Variants in KIAA1217 observed in about 807,000 individuals in gnomAD.
KIAA1217 encodes sickle tail protein homolog.
A neutral mutation model predicts 163.9 loss-of-function variants in KIAA1217; 88 were observed. The observed-to-expected ratio is 0.54, with a 90% confidence interval of 0.45 to 0.64. The LOEUF is 0.64. Among genes scored for constraint, KIAA1217 ranks in the 30% least tolerant of loss-of-function variants. KIAA1217 has a pLI of 0.00. For missense variants in KIAA1217, 2,372 were observed against 2,475.0 expected (o/e 0.96, Z 0.88); for synonymous variants, 903 against 923.1 (o/e 0.98, Z 0.39).
At chr10:23,732,553 C>G (rs944149053) in intron 1 of KIAA1217, among the ~76,000 whole-genome samples, 2 of 152,078 alleles carry the variant, frequency 1.3e-5, no homozygotes, top group Non-Finnish European at 2.9e-5. Flanking sequence ...CTTAGTCTGC[C>G]TACAGGCTTA....
At chr10:24,451,281 C>G (rs2061354093) in intron 5 of KIAA1217, among the ~76,000 whole-genome samples, 1 of 152,192 alleles carries the variant, frequency 6.6e-6, no homozygotes, top group South Asian at 2.1e-4. Context: ...TGGAGACTGG[C>G]TAACTGTGCC....
At chr10:24,057,146 C>A (rs1458281760) in intron 2 of KIAA1217, among the ~76,000 whole-genome samples, 1 of 152,040 alleles carries the variant, frequency 6.6e-6, no homozygotes, top group Non-Finnish European at 1.5e-5. Flanking sequence ...ACTCAGGAGG[C>A]TGAGGTGAGA....
intron 1 of KIAA1217, among the ~76,000 whole-genome samples, chr10:23,780,157 A>G (rs1289594987): frequency 3.3e-5 from 5 of 152,306 alleles, no homozygotes; most frequent in Admixed American, 3.3e-4. Flanking sequence ...TTTTTATTGT[A>G]CATATTTAAG....
intron 5 of KIAA1217, among the ~76,000 whole-genome samples, chr10:24,443,723 A>C (rs550557407): frequency 6.6e-6 from 1 of 152,326 alleles, no homozygotes; most frequent in South Asian, 2.1e-4. Flanking sequence ...GTTAGGAATC[A>C]GGAGATATTA....
At chr10:24,267,521 C>T (rs2076349553) in intron 2 of KIAA1217, among the ~76,000 whole-genome samples, 3 of 152,116 alleles carry the variant, frequency 2.0e-5, no homozygotes, top group Admixed American at 2.0e-4. Flanking sequence ...CCATGTTGCC[C>T]ACGCTAGTCT....
chr10:24,393,489 C>G (rs762706842), intron 3 of KIAA1217, among the ~76,000 whole-genome samples: 1 of 152,144 alleles, frequency 6.6e-6, no homozygotes, highest in African/African-American at 2.4e-5. Context: ...ACCACCATGA[C>G]GCTCTTCGGT....
chr10:24,464,438 GCCA>G (rs1305031173), intron 5 of KIAA1217, among the ~76,000 whole-genome samples: 2 of 152,156 alleles, frequency 1.3e-5, no homozygotes, highest in East Asian at 3.9e-4. Flanking sequence ...GTCAACAGAA[GCCA>G]CCTCTCTCTA....
intron 1 of KIAA1217, among the ~76,000 whole-genome samples, chr10:23,784,761 T>A (rs1016781121): frequency 6.6e-6 from 1 of 152,202 alleles, no homozygotes; most frequent in African/African-American, 2.4e-5. Context: ...ACATTTTAAT[T>A]TTACAATGTC....
intron 2 of KIAA1217, among the ~76,000 whole-genome samples, chr10:24,053,653 C>G (rs547675953): frequency 6.6e-6 from 1 of 152,160 alleles, no homozygotes; most frequent in Admixed American, 6.6e-5. Context: ...AAGAAAGAAA[C>G]CTATTTAACC....
At chr10:24,157,550 A>G (rs1416494112) in intron 2 of KIAA1217, among the ~76,000 whole-genome samples, 1 of 152,168 alleles carries the variant, frequency 6.6e-6, no homozygotes, top group Non-Finnish European at 1.5e-5. Context: ...TATCTAGGAA[A>G]TCTTTCCTTG....
chr10:23,913,734 C>A (rs1842530746), intron 1 of KIAA1217, among the ~76,000 whole-genome samples: 1 of 152,090 alleles, frequency 6.6e-6, no homozygotes, highest in Non-Finnish European at 1.5e-5. Context: ...CCAGATTCTC[C>A]ACATAGACTA....
chr10:23,801,478 A>G (rs536215666), intron 1 of KIAA1217, among the ~76,000 whole-genome samples: 1 of 151,904 alleles, frequency 6.6e-6, no homozygotes, highest in South Asian at 2.1e-4. Context: ...AGTATAATCA[A>G]ACAAACAAAC....
At chr10:24,126,029 T>C (rs549698096) in intron 2 of KIAA1217, among the ~76,000 whole-genome samples, 2 of 152,314 alleles carry the variant, frequency 1.3e-5, no homozygotes, top group South Asian at 2.1e-4. Context: ...TGTGGATCTA[T>C]ACTAATCTTC....
intron 2 of KIAA1217, among the ~76,000 whole-genome samples, chr10:24,113,207 G>C (rs1189999564): frequency 6.6e-6 from 1 of 152,156 alleles, no homozygotes; most frequent in Admixed American, 6.5e-5. Flanking sequence ...ATTCAATGGA[G>C]ACTGTAGACA....
chr10:23,842,040 G>T lies in KIAA1217; in HGVS notation c.-321+146806G>T, dbSNP rs571435215. On this transcript the variant is annotated intron_variant, in intron 1 of 18. Transcript: ENST00000376462. ...GTGCTACCACACTTGGCTAACTTTTGTATTTTTAGTAGAGATGGGATTTTG... is the reference window on the plus strand; with the variant it reads ...GTGCTACCACACTTGGCTAACTTTTTTATTTTTAGTAGAGATGGGATTTTG... 5.2e-4 allele frequency among the ~76,000 whole-genome samples: 79 copies of T among 151,896 alleles called. No homozygotes were observed. In the East Asian group the frequency reaches 0.014, roughly 27 times the overall value.
chr10:24,104,952 T>C (rs909350346), intron 2 of KIAA1217, among the ~76,000 whole-genome samples: 1 of 152,184 alleles, frequency 6.6e-6, no homozygotes, highest in African/African-American at 2.4e-5. Context: ...ATCAAAGTGG[T>C]TTCCCTCAAA....
At chr10:24,410,888 A>G (rs1462743867) in intron 3 of KIAA1217, among the ~76,000 whole-genome samples, 1 of 152,144 alleles carries the variant, frequency 6.6e-6, no homozygotes, top group Admixed American at 6.5e-5. Context: ...AAAGTACCTA[A>G]AATAATCTGT....
chr10:24,176,576 C>A (rs1207065304), intron 2 of KIAA1217, among the ~76,000 whole-genome samples: 2 of 152,216 alleles, frequency 1.3e-5, no homozygotes, highest in Non-Finnish European at 2.9e-5. Context: ...GAGCTAGACA[C>A]AGAGTGCTGA....
rs1329243364 is a variant in KIAA1217, at chr10:24,542,863, T to C, written c.3613-20T>C. The C allele has an allele frequency of 6.2e-7, 1 of 1,608,828 alleles. No homozygotes were observed. Among genetic ancestry groups the C allele is most frequent in the Non-Finnish European group, 8.5e-7 (1 of 1,176,874 alleles). On this transcript the variant is annotated intron_variant, in intron 18 of 20. Transcript: ENST00000376454. ...TGCTGATTAACGTGTGTGGTTTCCC[T>C]CCTCCGTTCTCCCTCTCAGGTTACC...
Sources: gnomAD v4.1 joint callset for allele counts (sites outside exome capture counted in the v4.1 genomes callset) on GRCh38, gnomAD v4.1.1 for gene constraint, MANE v1.5 for transcripts, NCBI Gene and HGNC (gene_info 2026-07-23, HGNC 2026-07-21) for gene names.